Variants in EPB41 observed in about 807,000 individuals in gnomAD.
EPB41 encodes the protein protein 4.1.
In EPB41, 65 loss-of-function variants were observed where a neutral mutation model predicts 108.0. That is an observed-to-expected ratio of 0.60 (90% CI 0.49 to 0.74). EPB41 has a LOEUF of 0.74. Among genes scored for constraint, EPB41 ranks in the 30% least tolerant of loss-of-function variants. The pLI, the probability that EPB41 is intolerant of heterozygous loss-of-function variation, is 0.00. For synonymous variants in EPB41, 336 were observed against 358.9 expected, an observed-to-expected ratio of 0.94 and a Z score of 0.72; for missense variants, 875 against 1,037.0, an observed-to-expected ratio of 0.84 and a Z score of 2.15.
At chr1:28,980,648 T>C (rs774613738) in intron 1 of EPB41, among the ~76,000 whole-genome samples, 9 of 151,998 alleles carry the variant, frequency 5.9e-5, no homozygotes, top group Non-Finnish European at 8.8e-5. Flanking sequence ...GCCCAGGAAG[T>C]TGAGGTTGAA....
chr1:28,904,590 A>T (rs571402614), intron 1 of EPB41, among the ~76,000 whole-genome samples: 1 of 152,244 alleles, frequency 6.6e-6, no homozygotes. Flanking sequence ...TGACAGTATT[A>T]GTGCCCTTAT....
chr1:28,948,989 G>T (rs1297768984), intron 1 of EPB41, among the ~76,000 whole-genome samples: 5 of 152,080 alleles, frequency 3.3e-5, no homozygotes, highest in Non-Finnish European at 7.4e-5. Flanking sequence ...AGTTTAGGAA[G>T]TGTAATATTA....
chr1:28,992,962 GGCTACATT>G (rs2096064128), intron 2 of EPB41, among the ~76,000 whole-genome samples: 1 of 152,102 alleles, frequency 6.6e-6, no homozygotes, highest in African/African-American at 2.4e-5. Flanking sequence ...CAGTTTGTAA[GGCTACATT>G]GCTAAAATTG....
In EPB41 at chr1:28,887,673, G is replaced by T. The variant is rs935937206; in HGVS notation, c.-8+463G>T. 1 of 984,870 alleles carries T rather than the reference G, an allele frequency of 1.0e-6. No homozygotes were observed. Among genetic ancestry groups the T allele is most frequent in the African/African-American group, 1.7e-5 (1 of 57,190 alleles). The allele number at this position is 984,870 out of a possible 1,614,324, so 61.0% of individuals were successfully genotyped here. A position where few individuals can be genotyped will look rare whatever the true frequency, so the allele number is the denominator to read the frequency against. On this transcript the variant is annotated intron_variant, in intron 1 of 16. Coordinates refer to the EPB41 transcript ENST00000347529. This position sits in a 1 kb window ranked among gnomAD's most constrained non-coding sequence, Gnocchi z 4.9. Reference sequence around the variant, plus strand: ...GCGGGAGGGGGCTCCGGGGCCTGGAGCCCCGCGCCCCGCTCCGGCCCTTAC... The same window carrying T: ...GCGGGAGGGGGCTCCGGGGCCTGGATCCCCGCGCCCCGCTCCGGCCCTTAC...
chr1:28,967,013 C>CTTTTTT (rs71586876), intron 1 of EPB41, among the ~76,000 whole-genome samples: 37 of 85,392 alleles, frequency 4.3e-4, no homozygotes, highest in Non-Finnish European at 5.7e-4. Context: ...ATATGAGAAC[C>CTTTTTT]TTTTTTTTTT....
At chr1:28,913,198 CA>C (rs1483269997), upstream of EPB41, among the ~76,000 whole-genome samples, 1 of 152,004 alleles carries the variant, frequency 6.6e-6, no homozygotes, top group Admixed American at 6.6e-5. Flanking sequence ...CCTGTAATCC[CA>C]GCACTTTGGG....
At chr1:28,904,196 T>C (rs556961906) in intron 1 of EPB41, among the ~76,000 whole-genome samples, 1 of 151,360 alleles carries the variant, frequency 6.6e-6, no homozygotes, top group Non-Finnish European at 1.5e-5. Flanking sequence ...TTAAACTTTT[T>C]CTTGCCATCA....
intron 1 of EPB41, among the ~76,000 whole-genome samples, chr1:28,915,685 T>G (rs203278): frequency 6.7e-6 from 1 of 148,398 alleles, no homozygotes; most frequent in African/African-American, 2.5e-5. Context: ...CATGTAGTTG[T>G]TCATTAGGAG....
intron 9 of EPB41, among the ~76,000 whole-genome samples, chr1:29,034,894 G>A (rs1204144597): frequency 6.6e-6 from 1 of 150,690 alleles, no homozygotes; most frequent in Admixed American, 6.6e-5. Flanking sequence ...TAATAAGTGT[G>A]TCAGGTAATA....
intron 1 of EPB41, among the ~76,000 whole-genome samples, chr1:28,938,447 T>G (rs1473875273): frequency 6.6e-6 from 1 of 152,240 alleles, no homozygotes; most frequent in Non-Finnish European, 1.5e-5. Context: ...CCCAAGTATT[T>G]CATTATTTTG....
chr1:28,915,714 T>G (rs1305012036), intron 1 of EPB41, among the ~76,000 whole-genome samples: 2 of 142,164 alleles, frequency 1.4e-5, no homozygotes, highest in Non-Finnish European at 3.1e-5. Context: ...TTCTTTTTCC[T>G]TTTTTTTTTT....
chr1:28,939,517 C>G (rs1394163894), intron 1 of EPB41, among the ~76,000 whole-genome samples: 1 of 152,062 alleles, frequency 6.6e-6, no homozygotes, highest in African/African-American at 2.4e-5. Context: ...GATCTTGGCT[C>G]ACTGCAATGA....
intron 1 of EPB41, among the ~76,000 whole-genome samples, chr1:28,908,891 G>A (rs983491990): frequency 2.0e-5 from 3 of 151,828 alleles, no homozygotes; most frequent in Non-Finnish European, 1.5e-5. Context: ...GGCTGAGCCT[G>A]GTGGCTCATG....
At chr1:29,036,806 G>C (rs1054918703) in intron 10 of EPB41, among the ~76,000 whole-genome samples, 4 of 151,746 alleles carry the variant, frequency 2.6e-5, no homozygotes, top group Admixed American at 2.0e-4. Context: ...CTCCTGAGCA[G>C]CTGGGATTAC....
At chr1:29,059,972 T>G (rs755211266) in intron 14 of EPB41, among the ~76,000 whole-genome samples, 42 of 152,222 alleles carry the variant, frequency 2.8e-4, no homozygotes, top group Admixed American at 1.1e-3. Flanking sequence ...TTTTATTAGA[T>G]TTTATAATTA....
At chr1:28,963,385 G>GTC (rs1553195276) in intron 1 of EPB41, among the ~76,000 whole-genome samples, 53 of 150,440 alleles carry the variant, frequency 3.5e-4, no homozygotes, top group African/African-American at 1.2e-3. Flanking sequence ...GTGTGTGTCT[G>GTC]TGTGTGATTT....
At chr1:28,945,257 T>C (rs1316010355) in intron 1 of EPB41, among the ~76,000 whole-genome samples, 1 of 152,162 alleles carries the variant, frequency 6.6e-6, no homozygotes, top group Non-Finnish European at 1.5e-5. Flanking sequence ...TGTTTAATTA[T>C]CTGGTGGTGA....
rs937736203 is a variant in EPB41, at chr1:29,117,490, A to T, written c.*678A>T. On this transcript the variant is annotated 3_prime_UTR_variant, in exon 21 of 21. Coordinates refer to ENST00000343067, the MANE Select transcript of EPB41 (RefSeq NM_001376013.1). ...TTTGGAGCTTCTTTGGGTCAAAGAC[A>T]TGGAAGTTGCTTCAGATATCTGATA... 6.6e-6 allele frequency: 1 copy of T among 152,664 alleles called. No homozygotes were observed. Among genetic ancestry groups the T allele is most frequent in the Non-Finnish European group, 1.5e-5 (1 of 68,056 alleles). 9.5% of individuals were successfully genotyped at this position (152,664 alleles called of 1,614,324 possible).
intron 4 of EPB41, among the ~76,000 whole-genome samples, chr1:29,000,034 C>T (rs762128996): frequency 2.6e-5 from 4 of 152,190 alleles, no homozygotes; most frequent in Non-Finnish European, 5.9e-5. Flanking sequence ...AAGCAATCCT[C>T]CTGCCTCAGC....
Sources: gnomAD v4.1 joint callset for allele counts (sites outside exome capture counted in the v4.1 genomes callset) on GRCh38, gnomAD v4.1.1 for gene constraint, Gnocchi (gnomAD v3.1) non-coding constraint, MANE v1.5 for transcripts, NCBI Gene and HGNC (gene_info 2026-07-23, HGNC 2026-07-21) for gene names.